The following PIK3C2G variants were observed in gnomAD, a reference collection of about 807,000 sequenced individuals.
PIK3C2G encodes the protein phosphatidylinositol-4-phosphate 3-kinase catalytic subunit type 2 gamma.
A neutral mutation model predicts 181.1 loss-of-function variants in PIK3C2G; 168 were observed. That is an observed-to-expected ratio of 0.93 (90% CI 0.82 to 1.05). PIK3C2G has a LOEUF of 1.05. Among genes scored for constraint, PIK3C2G ranks in the 50% least tolerant of loss-of-function variants. PIK3C2G has a pLI of 0.00. For synonymous variants in PIK3C2G, 573 were observed against 592.2 expected (o/e 0.97, Z 0.47); for missense variants, 1,869 against 1,732.8 (o/e 1.08, Z -1.40).
intron 13 of PIK3C2G, among the ~76,000 whole-genome samples, chr12:18,372,272 A>G (rs1565648223): frequency 6.6e-6 from 1 of 151,818 alleles, no homozygotes; most frequent in African/African-American, 2.4e-5. Context: ...CCATTTCTAT[A>G]CCATTGTTCC....
intron 28 of PIK3C2G, among the ~76,000 whole-genome samples, chr12:18,565,669 A>G (rs998551955): frequency 6.6e-6 from 1 of 152,232 alleles, no homozygotes; most frequent in African/African-American, 2.4e-5. Flanking sequence ...TATTTGACAT[A>G]TAACTCGAAG....
chr12:18,449,802 C>T (rs1947248774), intron 18 of PIK3C2G, among the ~76,000 whole-genome samples: 1 of 151,992 alleles, frequency 6.6e-6, no homozygotes, highest in African/African-American at 2.4e-5. Context: ...ATTTGTATTC[C>T]TTTGGGTATA....
chr12:18,575,915 G>A (rs1424582667), intron 29 of PIK3C2G, among the ~76,000 whole-genome samples: 1 of 152,096 alleles, frequency 6.6e-6, no homozygotes, highest in Non-Finnish European at 1.5e-5. Flanking sequence ...GCACATACTA[G>A]CCTATAAAAC....
At chr12:18,320,314 T>G (rs1375597000) in intron 6 of PIK3C2G, among the ~76,000 whole-genome samples, 1 of 150,814 alleles carries the variant, frequency 6.6e-6, no homozygotes, top group African/African-American at 2.4e-5. Context: ...GGTCAAGAAG[T>G]TAAGGTATGC....
At chr12:18,262,460 G>T (rs902462292) in intron 1 of PIK3C2G, among the ~76,000 whole-genome samples, 1 of 151,850 alleles carries the variant, frequency 6.6e-6, no homozygotes, top group Admixed American at 6.6e-5. Flanking sequence ...TTTAATCAAG[G>T]TTTTCTTATT....
At chr12:18,487,747 C>T (rs1484161664) in intron 18 of PIK3C2G, among the ~76,000 whole-genome samples, 3 of 152,080 alleles carry the variant, frequency 2.0e-5, no homozygotes, top group South Asian at 2.1e-4. Context: ...GGCTATGAGA[C>T]GTGGATGAAC....
chr12:18,313,188 T>A (rs1950711326), intron 5 of PIK3C2G, among the ~76,000 whole-genome samples: 3 of 152,140 alleles, frequency 2.0e-5, no homozygotes, highest in Non-Finnish European at 4.4e-5. Flanking sequence ...CACAGAAGAA[T>A]CAAATTGTAT....
intron 4 of PIK3C2G, among the ~76,000 whole-genome samples, chr12:18,292,235 T>A (rs1197783699): frequency 0.089 from 8,723 of 98,428 alleles, 861 homozygotes; most frequent in Non-Finnish European, 0.13. Flanking sequence ...AAAATATATA[T>A]ATATATATAT....
At chr12:18,493,203 C>T (rs896363695) in intron 20 of PIK3C2G, 1 of 152,214 alleles carries the variant, frequency 6.6e-6, no homozygotes, top group South Asian at 2.1e-4. Flanking sequence ...GCAAGGCCTT[C>T]ATTCAAACTA....
upstream of PIK3C2G, among the ~76,000 whole-genome samples, chr12:18,246,084 A>G (rs902449682): frequency 6.6e-6 from 1 of 152,112 alleles, no homozygotes. Flanking sequence ...TCTTTATCTC[A>G]ATTTGAGCCC....
chr12:18,570,671 G>A (rs1250611643), intron 29 of PIK3C2G, among the ~76,000 whole-genome samples: 1 of 150,202 alleles, frequency 6.7e-6, no homozygotes, highest in African/African-American at 2.5e-5. Flanking sequence ...GCAAGCAGGT[G>A]CAGGTTCTAT....
At chr12:18,564,562 A>G (rs1485775202) in intron 28 of PIK3C2G, among the ~76,000 whole-genome samples, 1 of 152,008 alleles carries the variant, frequency 6.6e-6, no homozygotes, top group East Asian at 1.9e-4. Flanking sequence ...AAAAAACTGT[A>G]CTGGCATATG....
rs563435973 is a variant in PIK3C2G at position 18,276,324 on chromosome 12, G to A, written c.-78-5680G>A. 1.1e-4 allele frequency among the ~76,000 whole-genome samples: 16 copies of A among 152,198 alleles called. No homozygotes were observed. In the South Asian group the frequency reaches 2.9e-3, roughly 28 times the overall value. On this transcript the variant is annotated intron_variant, in intron 1 of 32. Transcript: ENST00000538779. ...CCAAAGTTGTTATGTGAAAATAGGA[G>A]GCTAACTTTTTATTGTCTTATTTAC...
the PIK3C2G span, among the ~76,000 whole-genome samples, chr12:18,722,322 T>C: frequency 6.6e-6 from 1 of 152,126 alleles, no homozygotes; most frequent in Non-Finnish European, 1.5e-5. Flanking sequence ...ATTCAAGACC[T>C]AATTGCCTTA....
chr12:18,661,759 T>C, the PIK3C2G span, among the ~76,000 whole-genome samples: 1 of 152,090 alleles, frequency 6.6e-6, no homozygotes, highest in Admixed American at 6.6e-5. Context: ...AACTTAGAAC[T>C]ACCATTGACC....
At chr12:18,584,696 C>T (rs1209683651) in intron 29 of PIK3C2G, among the ~76,000 whole-genome samples, 3 of 151,954 alleles carry the variant, frequency 2.0e-5, no homozygotes, top group Admixed American at 2.0e-4. Flanking sequence ...ATAGAGGACC[C>T]CTGCAAGATT....
chr12:18,675,916 T>C, the PIK3C2G span, among the ~76,000 whole-genome samples: 7 of 152,020 alleles, frequency 4.6e-5, no homozygotes, highest in African/African-American at 1.7e-4. Context: ...TTGGGTACAA[T>C]GTTAACTATT....
At chr12:18,334,666 A>C (rs935934244) in intron 8 of PIK3C2G, among the ~76,000 whole-genome samples, 3 of 152,044 alleles carry the variant, frequency 2.0e-5, no homozygotes, top group Non-Finnish European at 4.4e-5. Context: ...AATCACATTC[A>C]AATTTTAGTC....
intron 20 of PIK3C2G, among the ~76,000 whole-genome samples, chr12:18,495,832 G>A (rs1260463654): frequency 1.3e-5 from 2 of 152,114 alleles, no homozygotes; most frequent in African/African-American, 4.8e-5. Context: ...TCTGTAATCT[G>A]TCAAAAAGCT....
Sources: allele counts gnomAD v4.1 joint callset (sites outside exome capture counted in the v4.1 genomes callset), GRCh38; gene constraint gnomAD v4.1.1; transcripts MANE v1.5; gene names NCBI Gene and HGNC (gene_info 2026-07-23, HGNC 2026-07-21).